AKNA: variants seen among roughly 807,000 people sequenced by gnomAD.
The protein encoded by AKNA is AT-hook transcription factor.
Under a neutral mutation model 138.8 loss-of-function variants are expected in AKNA, and 67 were observed. The observed-to-expected ratio is 0.48, with a 90% CI of 0.40 to 0.59. The LOEUF (loss-of-function observed/expected upper bound fraction) is 0.59, where lower values mean the gene tolerates loss of function less well. AKNA is among the 20% of genes least tolerant of loss of function. The pLI is 0.00. For missense variants in AKNA, 1,813 were observed against 1,880.4 expected (o/e 0.96, Z 0.66); for synonymous variants, 737 against 754.4 (o/e 0.98, Z 0.38).
At position 114,381,253 on chromosome 9, in the gene AKNA, G is replaced by T. The variant is rs772505794; in HGVS notation, c.81C>A (p.Ala27=). The stretch of plus-strand genomic sequence containing the variant: ...TTCTATCCACATCCCTCTTGTCCTC[G>T]GCCCAGGCCCAGCGCCGCCGCTGGG... ...KGPQRRRWAW[A]EDKRDVDRSS... The change falls in exon 2 of 22, where the codon GCC becomes GCA. Residue 27 remains alanine (A), a synonymous_variant. Transcript: ENST00000374088. The T allele has an allele frequency of 6.2e-7, 1 of 1,613,804 alleles. No homozygotes were observed. The highest frequency in any genetic ancestry group is 8.5e-7 in the Non-Finnish European group (1 of 1,179,900).
rs1247036954 is a variant in AKNA at position 114,336,742 on chromosome 9, T to C, written c.*312A>G. The C allele has an allele frequency of 5.5e-6, 2 of 361,978 alleles. No homozygotes were observed. The highest frequency in any genetic ancestry group is 4.2e-5 in the African/African-American group (2 of 48,042). The allele number at this position is 361,978 out of a possible 1,614,324, so 22.4% of individuals were successfully genotyped here. A position where few individuals can be genotyped will look rare whatever the true frequency, so the allele number is the denominator to read the frequency against. Reference sequence around the variant, plus strand: ...CCATCTGTATATAAAATACCTATTATTAGCTGGAGTTGCACACATGCAGGA... The same window carrying C: ...CCATCTGTATATAAAATACCTATTACTAGCTGGAGTTGCACACATGCAGGA... On this transcript the variant is annotated 3_prime_UTR_variant, in exon 22 of 22. Coordinates refer to ENST00000374088, the MANE Select transcript of AKNA (RefSeq NM_001317950.2).
chr9:114,364,685 C>T (rs1027354884), intron 6 of AKNA, 66 bp from the exon 7 acceptor site: 116 of 1,521,306 alleles, frequency 7.6e-5, no homozygotes, highest in Middle Eastern at 2.0e-4. Flanking sequence ...CACACCCAGC[C>T]ACATCTATGC....
intron 4 of AKNA, among the ~76,000 whole-genome samples, chr9:114,370,036 T>C (rs182619004): frequency 0.012 from 1,889 of 152,330 alleles, 26 homozygotes; most frequent in Non-Finnish European, 0.015. Context: ...TGGGGGGTTA[T>C]CTTAACTGCC....
At chr9:114,387,295 C>T (rs1834105987) in intron 1 of AKNA, among the ~76,000 whole-genome samples, 3 of 152,208 alleles carry the variant, frequency 2.0e-5, no homozygotes, top group Non-Finnish European at 4.4e-5. Flanking sequence ...CCTCCCTGCC[C>T]CCAGCCCGCT....
At chr9:114,370,339 G>A (rs1258864814) in intron 4 of AKNA, among the ~76,000 whole-genome samples, 1 of 152,212 alleles carries the variant, frequency 6.6e-6, no homozygotes, top group Non-Finnish European at 1.5e-5. Context: ...TCCCAGGGGA[G>A]GCCCAGCCCT....
chr9:114,362,548 G>A lies in AKNA; in HGVS notation c.1789-15C>T. The stretch of plus-strand genomic sequence containing the variant: ...CGCTGGAAGCCCTGAAACCAGACCA[G>A]GCCAGGAAGACTTGAGTGCTCAGTC... On this transcript the variant is annotated splice_polypyrimidine_tract_variant and intron_variant, in intron 7 of 21. Transcript: ENST00000374088. The A allele has an allele frequency of 6.2e-7, 1 of 1,611,366 alleles. No homozygotes were observed. The highest frequency in any genetic ancestry group is 8.5e-7 in the Non-Finnish European group (1 of 1,179,220).
At chr9:114,398,184 C>T (rs1039514201), upstream of AKNA, among the ~76,000 whole-genome samples, 3 of 152,202 alleles carry the variant, frequency 2.0e-5, no homozygotes, top group African/African-American at 7.2e-5. The surrounding 1 kb of genome is among the most constrained non-coding windows in gnomAD (Gnocchi z 4.2). Context: ...TGAGGAACCC[C>T]GCGGCCGGCA....
chr9:114,372,498 A>G (rs923485694), intron 4 of AKNA, among the ~76,000 whole-genome samples: 1 of 152,192 alleles, frequency 6.6e-6, no homozygotes, highest in Admixed American at 6.5e-5. Flanking sequence ...GTGCCTGCCT[A>G]GTGCCAGGTA....
chr9:114,391,853 CA>C (rs61158842), upstream of AKNA, among the ~76,000 whole-genome samples: 15,378 of 62,678 alleles, frequency 0.25, 763 homozygotes, highest in East Asian at 0.4. Context: ...GACTCTGTCT[CA>C]AAAAAAAAAA....
upstream of AKNA, among the ~76,000 whole-genome samples, chr9:114,397,407 C>T (rs369098372): frequency 9.1e-4 from 139 of 152,314 alleles, 2 homozygotes; most frequent in East Asian, 9.4e-3. Flanking sequence ...AGTTCCAGCC[C>T]ATTTCTTCTC....
At chr9:114,331,238 G>A (rs1829845851), downstream of AKNA, among the ~76,000 whole-genome samples, 1 of 152,050 alleles carries the variant, frequency 6.6e-6, no homozygotes, top group Non-Finnish European at 1.5e-5. Context: ...CACCGCAGAG[G>A]TGGCACATGG....
chr9:114,343,827 C>G, intron 18 of AKNA, 24 bp from the exon 19 acceptor site: 1 of 1,588,248 alleles, frequency 6.3e-7, no homozygotes, highest in Non-Finnish European at 8.6e-7. Flanking sequence ...CCAGAACTGT[C>G]AGTATCAGCC....
chr9:114,383,861 G>T (rs1833853829), intron 1 of AKNA, among the ~76,000 whole-genome samples: 1 of 152,150 alleles, frequency 6.6e-6, no homozygotes, highest in Admixed American at 6.5e-5. Flanking sequence ...CCTTGGCTGC[G>T]ACTCCTGCTC....
chr9:114,386,669 C>T (rs1198899523), intron 1 of AKNA, among the ~76,000 whole-genome samples: 3 of 152,114 alleles, frequency 2.0e-5, no homozygotes, highest in Admixed American at 1.3e-4. Context: ...CTTCTTACAC[C>T]CAAGCCGCCA....
rs143050232 is a variant in AKNA at position 114,347,860 on chromosome 9, G to A, written c.3262C>T (p.Arg1088Cys). 2.1e-4 allele frequency: 333 copies of A among 1,550,808 alleles called. 1 individual carries two copies. The highest frequency in any genetic ancestry group is 5.7e-4 in the Admixed American group (29 of 50,834). ...TGCAGGCTGTCTTCCAGCCGCAGAC[G>A]AAGCCGGGACACCTCTTCTTGCAGC... ...CELQEEVSRL[R>C]LRLEDSLHQP... The change falls in exon 16 of 22, where the codon CGT becomes TGT. Residue 1088 changes from arginine to cysteine, a missense_variant. Transcript: ENST00000374088.
At chr9:114,356,824 A>C in intron 13 of AKNA, 39 bp downstream of exon 13, 1 of 1,491,676 alleles carries the variant, frequency 6.7e-7, no homozygotes, top group Non-Finnish European at 8.9e-7. Context: ...TGTCCCAGGA[A>C]TGTGGCACTG....
intron 14 of AKNA, 53 bp from the exon 15 acceptor site, chr9:114,351,074 A>C (rs1831086268): frequency 6.4e-7 from 1 of 1,562,268 alleles, no homozygotes; most frequent in Non-Finnish European, 8.7e-7. Context: ...AGAACTTCCA[A>C]GCTCACACTT....
At chr9:114,367,733 ACAGTC>A (rs1367440187) in intron 5 of AKNA, 36 bp from the exon 6 acceptor site, 5 of 1,518,998 alleles carry the variant, frequency 3.3e-6, no homozygotes, top group Non-Finnish European at 4.4e-6. Flanking sequence ...GGGGCCAAGA[ACAGTC>A]CTTCCAGGAG....
downstream of AKNA, among the ~76,000 whole-genome samples, chr9:114,331,233 C>T (rs1346953829): frequency 6.6e-6 from 1 of 152,056 alleles, no homozygotes; most frequent in Non-Finnish European, 1.5e-5. Context: ...CCCATCACCG[C>T]AGAGGTGGCA....
Sources: gnomAD v4.1 joint callset for allele counts (sites outside exome capture counted in the v4.1 genomes callset) on GRCh38, gnomAD v4.1.1 for gene constraint, Gnocchi (gnomAD v3.1) non-coding constraint, MANE v1.5 for transcripts, NCBI Gene and HGNC (gene_info 2026-07-23, HGNC 2026-07-21) for gene names.